The following CFAP44 variants were observed in gnomAD, a reference collection of about 807,000 sequenced individuals.
CFAP44 encodes cilia and flagella associated protein 44.
CFAP44 carries 134 observed loss-of-function variants against 216.2 expected under a neutral mutation model. The ratio of observed to expected loss-of-function variants is 0.62; its 90% CI spans 0.54 to 0.72. CFAP44 has a LOEUF of 0.72. CFAP44 is among the 30% of genes least tolerant of loss of function. CFAP44 has a pLI of 0.00. For synonymous variants in CFAP44, 700 were observed against 727.6 expected, an observed-to-expected ratio of 0.96 and a Z score of 0.61; for missense variants, 2,035 against 2,182.1, an observed-to-expected ratio of 0.93 and a Z score of 1.34.
At chr3:113,362,862 A>G in intron 21 of CFAP44, 1 of 1,156,444 alleles carries the variant, frequency 8.6e-7, no homozygotes, top group Non-Finnish European at 1.1e-6. Context: ...ACTTAAAAGA[A>G]CTCTTGGGTT....
chr3:113,426,478 G>C (rs1006341556), intron 3 of CFAP44, among the ~76,000 whole-genome samples: 1 of 152,030 alleles, frequency 6.6e-6, no homozygotes, highest in Non-Finnish European at 1.5e-5. Flanking sequence ...GTTGTATAAG[G>C]GACATTTCCC....
At chr3:113,348,268 C>A (rs1034027271) in intron 22 of CFAP44, among the ~76,000 whole-genome samples, 3 of 152,156 alleles carry the variant, frequency 2.0e-5, no homozygotes, top group African/African-American at 7.2e-5. Context: ...CAGGCATCAA[C>A]AGGCTCACCC....
In CFAP44 at chr3:113,353,453, T is replaced by TACACACAC. The variant is rs34714015; in HGVS notation, c.3065+5284_3065+5291dup. On this transcript the variant is annotated intron_variant, in intron 22 of 34. Transcript: ENST00000393845. ...GTTAGGATTCATATATATGTATGAATACACACACACACACACACACACACA... is the reference window on the plus strand; with the variant it reads ...GTTAGGATTCATATATATGTATGAATACACACACACACACACACACACACACACACACA... 4.4e-3 allele frequency among the ~76,000 whole-genome samples: 618 copies of TACACACAC among 141,816 alleles called. 2 individuals are homozygous for TACACACAC. The highest frequency in any genetic ancestry group is 0.026 in the East Asian group (125 of 4,840). 93.0% of individuals were successfully genotyped at this position (141,816 alleles called of 152,430 possible). A position where few individuals can be genotyped will look rare whatever the true frequency, so the allele number is the denominator to read the frequency against.
chr3:113,401,833 C>A, intron 9 of CFAP44, 94 bp from the exon 10 acceptor site: 1 of 1,319,196 alleles, frequency 7.6e-7, no homozygotes, highest in South Asian at 1.5e-5. Context: ...TTTCAAAAGT[C>A]ATTTCTTTTT....
Position 113,289,632 on chromosome 3 carries a change from C to A in CFAP44, c.*1925G>T, listed in dbSNP as rs1038245628. 2.6e-5 allele frequency: 4 copies of A among 152,202 alleles called. No individual in the cohort carries two copies. Among genetic ancestry groups the A allele is most frequent in the African/African-American group, 9.6e-5 (4 of 41,452 alleles). The allele number at this position is 152,202 out of a possible 1,614,324, so 9.4% of individuals were successfully genotyped here. On this transcript the variant is annotated 3_prime_UTR_variant, in exon 35 of 35. Transcript: ENST00000393845. ...CCAGCTCCCACGAAGGCCCCGGTGA[C>A]CCCCACCTGGCATTCACACCCTGTT...
At chr3:113,345,554 G>A (rs1166026414) in intron 22 of CFAP44, among the ~76,000 whole-genome samples, 2 of 152,074 alleles carry the variant, frequency 1.3e-5, no homozygotes, top group Non-Finnish European at 2.9e-5. Flanking sequence ...TTTAATGAAA[G>A]TCCCAATCTA....
At position 113,409,124 on chromosome 3, in the gene CFAP44, G is replaced by A. The variant is rs371652370; in HGVS notation, c.872C>T (p.Ser291Leu). 132 of 1,609,500 alleles carry A rather than the reference G, an allele frequency of 8.2e-5. No homozygotes were observed. The highest frequency in any genetic ancestry group is 1.0e-4 in the Non-Finnish European group (122 of 1,177,830). Residue 291 changes from serine to leucine, a missense_variant, in exon 7 of 35, where the codon TCG (serine) becomes TTG (leucine). Around this residue, in one of 3 missense-constraint regions of CFAP44, gnomAD observed 1,883 missense variants for 2,023.7 expected, o/e 0.93. Coordinates refer to ENST00000393845, the MANE Select transcript of CFAP44 (RefSeq NM_001164496.2). ...NPDKEEQLTT[S>L]GSGHIKFWEM... is the part of the protein sequence containing the mutation. ...AACCTACTTGATGTGGCCTGATCCCGATGTAGTAAGCTGCTCTTCCTTATC... is the reference window on the plus strand; with the variant it reads ...AACCTACTTGATGTGGCCTGATCCCAATGTAGTAAGCTGCTCTTCCTTATC...
In CFAP44 at chr3:113,306,265, G is replaced by C; in HGVS notation, c.4694C>G (p.Ala1565Gly). 1 of 1,536,758 alleles carries C rather than the reference G, an allele frequency of 6.5e-7. No homozygotes were observed. The highest frequency in any genetic ancestry group is 8.7e-7 in the Non-Finnish European group (1 of 1,146,678). ...LREKRLDIEEALVEEKKIVDN... is the reference protein window; with the variant it reads ...LREKRLDIEEGLVEEKKIVDN... ...AACAATTTTCTTTTCTTCAACTAAAGCCTCCTCAATGTCCAGCCTTTTCTC... is the reference window on the plus strand; with the variant it reads ...AACAATTTTCTTTTCTTCAACTAAACCCTCCTCAATGTCCAGCCTTTTCTC... Residue 1565 changes from alanine (A) to glycine (G), a missense_variant, in exon 30 of 35, where the codon GCT becomes GGT. This residue lies in a region of CFAP44 where 1,883 missense variants were observed against 2,023.7 expected (regional missense o/e 0.93). Coordinates refer to ENST00000393845, the MANE Select transcript of CFAP44 (RefSeq NM_001164496.2).
chr3:113,432,871 C>T (rs1400956683), intron 2 of CFAP44, among the ~76,000 whole-genome samples: 1 of 152,032 alleles, frequency 6.6e-6, no homozygotes, highest in East Asian at 1.9e-4. Context: ...CTATAAATTC[C>T]ACTCAGTTCA....
chr3:113,287,076 A>G lies in CFAP44; in HGVS notation c.*4481T>C. The stretch of plus-strand genomic sequence containing the variant: ...GGAGAGGGAAAATAAAGAAGCTGCC[A>G]CCTAACAGGAGTCACCCAGGAAAGC... On this transcript the variant is annotated 3_prime_UTR_variant, in exon 35 of 35. Coordinates refer to ENST00000393845, the MANE Select transcript of CFAP44 (RefSeq NM_001164496.2). 1.6e-6 allele frequency: 1 copy of G among 607,098 alleles called. No individual in the cohort carries two copies. The allele number at this position is 607,098 out of a possible 1,614,324, so 37.6% of individuals were successfully genotyped here.
chr3:113,311,624 T>C (rs1576541737), intron 28 of CFAP44, among the ~76,000 whole-genome samples: 2 of 152,228 alleles, frequency 1.3e-5, no homozygotes, highest in East Asian at 3.9e-4. Flanking sequence ...ACTAATACAG[T>C]AAATTGGAAC....
intron 19 of CFAP44, 108 bp downstream of exon 19, chr3:113,365,931 G>A: frequency 8.1e-7 from 1 of 1,232,602 alleles, no homozygotes; most frequent in Non-Finnish European, 1.1e-6. Context: ...TAGACCATAA[G>A]GTGAATGTGT....
chr3:113,299,615 A>G (rs1949915449), intron 32 of CFAP44, among the ~76,000 whole-genome samples: 1 of 152,240 alleles, frequency 6.6e-6, no homozygotes, highest in Non-Finnish European at 1.5e-5. Flanking sequence ...CTACACTCCC[A>G]TATTTATTGC....
At chr3:113,342,196 G>A (rs901044827) in intron 23 of CFAP44, among the ~76,000 whole-genome samples, 3 of 152,006 alleles carry the variant, frequency 2.0e-5, no homozygotes, top group Admixed American at 6.6e-5. Context: ...AGCCAGCCGT[G>A]GTGGTGCATT....
intron 21 of CFAP44, chr3:113,362,761 A>G (rs1950553561): frequency 2.4e-6 from 1 of 412,350 alleles, no homozygotes; most frequent in Non-Finnish European, 3.8e-6. Flanking sequence ...ACGTTTAGCC[A>G]TAGTTCCCAA....
rs1042341539 is a variant in CFAP44 at position 113,333,317 on chromosome 3, G to C, written c.3615+89C>G. 103 of 1,097,500 alleles carry C rather than the reference G, an allele frequency of 9.4e-5. No individual in the cohort carries two copies. Among genetic ancestry groups the C allele is most frequent in the Non-Finnish European group, 1.3e-4 (101 of 776,310 alleles). 68.0% of individuals were successfully genotyped at this position (1,097,500 alleles called of 1,614,324 possible). A position where few individuals can be genotyped will look rare whatever the true frequency, so the allele number is the denominator to read the frequency against. ...ATTTCTATGGTTATATATTCTTATT[G>C]ACCAGATAGGGAAATGAGTGGTTTT... is the stretch of plus-strand genomic sequence containing the variant. On this transcript the variant is annotated intron_variant, in intron 25 of 34. Transcript: ENST00000393845.
At position 113,363,178 on chromosome 3, in the gene CFAP44, T is replaced by C. The variant is rs1247426049; in HGVS notation, c.2901A>G (p.Glu967=). The part of the protein sequence containing the change: ...SEFCNLLEMN[E]KLPKHMQFKR... Reference sequence around the variant, plus strand: ...TAAACTGCATATGCTTTGGTAATTTTTCATTCATTTCTAATAGATTACAAA... The same window carrying C: ...TAAACTGCATATGCTTTGGTAATTTCTCATTCATTTCTAATAGATTACAAA... The change falls in exon 21 of 35, where the codon GAA becomes GAG. Residue 967 remains glutamate (E), a synonymous_variant. Transcript: ENST00000393845. 1.2e-6 allele frequency: 2 copies of C among 1,610,276 alleles called. No homozygotes were observed. The highest frequency in any genetic ancestry group is 4.5e-5 in the East Asian group (2 of 44,746).
chr3:113,335,184 CA>C lies in CFAP44; in HGVS notation c.3438-1602del, dbSNP rs1950271815. 5.3e-5 allele frequency among the ~76,000 whole-genome samples: 8 copies of C among 152,114 alleles called. No individual in the cohort carries two copies. In the South Asian group the frequency reaches 1.7e-3, roughly 32 times the overall value. On this transcript the variant is annotated intron_variant, in intron 24 of 34. Transcript: ENST00000393845. ...TAATATAAACAACCAGAAAACTGAA[CA>C]AAAAATATGTGAAACAACTATGTTC...
chr3:113,369,023 A>G (rs1015373574), intron 18 of CFAP44, among the ~76,000 whole-genome samples: 1 of 152,240 alleles, frequency 6.6e-6, no homozygotes, highest in Non-Finnish European at 1.5e-5. Flanking sequence ...GATCAATTCA[A>G]CAAGAAGAGC....
Sources: gnomAD v4.1 joint callset for allele counts (sites outside exome capture counted in the v4.1 genomes callset) on GRCh38, gnomAD v4.1.1 for gene constraint, gnomAD v4.1.1 regional missense constraint, MANE v1.5 for transcripts, NCBI Gene and HGNC (gene_info 2026-07-23, HGNC 2026-07-21) for gene names.